Variants in CACNA2D1 observed in about 807,000 individuals in gnomAD.
CACNA2D1 encodes the protein calcium voltage-gated channel auxiliary subunit alpha2delta 1, also known as voltage-dependent calcium channel subunit alpha-2/delta-1.
CACNA2D1 carries 53 observed loss-of-function variants against 171.5 expected under a neutral mutation model. The observed-to-expected ratio is 0.31, with a 90% CI of 0.25 to 0.39. CACNA2D1 has a LOEUF of 0.39. Ranked by LOEUF, CACNA2D1 falls within the 10% of genes least tolerant of loss-of-function variation. The pLI is 1.00. For missense variants in CACNA2D1, 903 were observed against 1,299.8 expected (o/e 0.69, Z 4.69); for synonymous variants, 442 against 443.1 (o/e 1.00, Z 0.03).
intron 22 of CACNA2D1, among the ~76,000 whole-genome samples, chr7:81,983,816 G>A (rs1316745109): frequency 6.6e-6 from 1 of 152,126 alleles, no homozygotes; most frequent in Non-Finnish European, 1.5e-5. Flanking sequence ...AAAAAGAACT[G>A]ACAGAGAAAT....
chr7:82,336,845 G>A (rs920898245), intron 2 of CACNA2D1, among the ~76,000 whole-genome samples: 13 of 152,184 alleles, frequency 8.5e-5, no homozygotes, highest in Non-Finnish European at 1.9e-4. Flanking sequence ...GGTGTGAAAT[G>A]TAGTGTGCAT....
chr7:82,199,872 T>C (rs897212553), intron 3 of CACNA2D1, among the ~76,000 whole-genome samples: 3 of 152,114 alleles, frequency 2.0e-5, no homozygotes, highest in African/African-American at 7.2e-5. Context: ...ATTCATATTA[T>C]GGACTACTAC....
chr7:82,254,253 A>C (rs1806012244), intron 3 of CACNA2D1, among the ~76,000 whole-genome samples: 1 of 152,086 alleles, frequency 6.6e-6, no homozygotes, highest in African/African-American at 2.4e-5. Flanking sequence ...GAATGTGCTT[A>C]GTAGGAAAAA....
rs1012650722 is a variant in CACNA2D1 at position 82,063,706 on chromosome 7, C to A, written c.779+598G>T. Among the ~76,000 whole-genome samples, 4 of 152,020 alleles carry A rather than the reference C, an allele frequency of 2.6e-5. No homozygotes were observed. The South Asian group carries it at 8.3e-4, about 31-fold the overall frequency. On this transcript the variant is annotated intron_variant, in intron 9 of 38. Coordinates refer to ENST00000356860, the MANE Select transcript of CACNA2D1 (RefSeq NM_000722.4). ...GTAAATCTCCATAGCAGGATATAAT[C>A]TTTTCAATTTCTACATCTTCAACCT... is the stretch of plus-strand genomic sequence containing the variant.
At chr7:82,407,297 T>C (rs1352118610) in intron 1 of CACNA2D1, among the ~76,000 whole-genome samples, 1 of 152,220 alleles carries the variant, frequency 6.6e-6, no homozygotes, top group African/African-American at 2.4e-5. Context: ...TTTGAATATC[T>C]TTCCTTGGGT....
At chr7:82,365,791 G>A (rs1298670465) in intron 1 of CACNA2D1, among the ~76,000 whole-genome samples, 1 of 152,222 alleles carries the variant, frequency 6.6e-6, no homozygotes, top group African/African-American at 2.4e-5. Flanking sequence ...GTCCTGAAGT[G>A]TTATAGGTGG....
intron 3 of CACNA2D1, among the ~76,000 whole-genome samples, chr7:82,186,257 A>AGGAAGGAAGGAAGGAAGGAAGGAAGGAC (rs1797760995): frequency 1.1e-5 from 1 of 88,224 alleles, no homozygotes; most frequent in Non-Finnish European, 2.6e-5. Flanking sequence ...GAAGGAAGAA[A>AGGAAGGAAGGAAGGAAGGAAGGAAGGAC]GGAAGGAAGG....
intron 1 of CACNA2D1, among the ~76,000 whole-genome samples, chr7:82,421,211 C>A (rs984723230): frequency 6.6e-6 from 1 of 152,156 alleles, no homozygotes; most frequent in African/African-American, 2.4e-5. Flanking sequence ...CCTCAGGAAG[C>A]ATTCTTTCAA....
chr7:82,045,665 G>C (rs979399079), intron 10 of CACNA2D1, among the ~76,000 whole-genome samples: 1 of 151,946 alleles, frequency 6.6e-6, no homozygotes, highest in African/African-American at 2.4e-5. Context: ...TTGTCCCTCC[G>C]TTATTTCATG....
chr7:82,060,201 T>TAA (rs747843223), intron 10 of CACNA2D1, among the ~76,000 whole-genome samples: 734 of 10,362 alleles, frequency 0.071, 111 homozygotes, highest in South Asian at 0.17. Flanking sequence ...TATATATATA[T>TAA]TATATATATA....
intron 4 of CACNA2D1, among the ~76,000 whole-genome samples, chr7:82,147,597 ATCT>A (rs1207960359): frequency 6.6e-6 from 1 of 152,264 alleles, no homozygotes; most frequent in African/African-American, 2.4e-5. Context: ...CACCCCACAG[ATCT>A]TCTTGACTCA....
intron 3 of CACNA2D1, among the ~76,000 whole-genome samples, chr7:82,226,702 A>C (rs557815422): frequency 6.6e-6 from 1 of 152,250 alleles, no homozygotes; most frequent in Non-Finnish European, 1.5e-5. Flanking sequence ...AGAAATAAAT[A>C]CTATGAGATC....
intron 3 of CACNA2D1, among the ~76,000 whole-genome samples, chr7:82,266,505 G>A (rs959434777): frequency 1.3e-5 from 2 of 151,980 alleles, no homozygotes; most frequent in Admixed American, 6.6e-5. Context: ...AAGTCTACTG[G>A]CAAGAAAGGT....
intron 34 of CACNA2D1, 108 bp downstream of exon 34, chr7:81,963,946 ACT>A: frequency 1.2e-6 from 1 of 839,042 alleles, no homozygotes; most frequent in South Asian, 1.5e-5. Flanking sequence ...AAACAACTTA[ACT>A]CCCTTAATAA....
chr7:82,314,774 T>G (rs1468122771), intron 3 of CACNA2D1, among the ~76,000 whole-genome samples: 1 of 152,120 alleles, frequency 6.6e-6, no homozygotes, highest in African/African-American at 2.4e-5. Context: ...AATGATATTT[T>G]AATATGATAC....
chr7:82,358,237 C>A (rs1820685604), intron 1 of CACNA2D1, among the ~76,000 whole-genome samples: 1 of 152,116 alleles, frequency 6.6e-6, no homozygotes, highest in South Asian at 2.1e-4. Flanking sequence ...CACAGTGTTC[C>A]TGTAGTTGGG....
At chr7:82,145,954 A>G (rs1584912799) in intron 4 of CACNA2D1, among the ~76,000 whole-genome samples, 1 of 152,044 alleles carries the variant, frequency 6.6e-6, no homozygotes, top group Non-Finnish European at 1.5e-5. Context: ...CTTTTGCCAC[A>G]TATCACTTTA....
chr7:82,153,742 T>A (rs942257295), intron 4 of CACNA2D1, among the ~76,000 whole-genome samples: 4 of 152,036 alleles, frequency 2.6e-5, no homozygotes, highest in African/African-American at 9.7e-5. Flanking sequence ...AAAATTGTTT[T>A]AAAATGTTCT....
chr7:81,958,390 AT>A (rs1358895443), intron 38 of CACNA2D1, among the ~76,000 whole-genome samples: 1 of 152,108 alleles, frequency 6.6e-6, no homozygotes. Flanking sequence ...TTGGATATTC[AT>A]TGGTGTGTGC....
Sources: allele counts gnomAD v4.1 joint callset (sites outside exome capture counted in the v4.1 genomes callset), GRCh38; gene constraint gnomAD v4.1.1; transcripts MANE v1.5; gene names NCBI Gene and HGNC (gene_info 2026-07-23, HGNC 2026-07-21).